Variants in UTP11 observed in about 807,000 individuals in gnomAD.
UTP11 encodes probable U3 small nucleolar RNA-associated protein 11.
UTP11 carries 29 observed loss-of-function variants against 39.0 expected under a neutral mutation model. That is an observed-to-expected ratio of 0.74 (90% CI 0.55 to 1.01). The LOEUF (loss-of-function observed/expected upper bound fraction) is 1.01. Ranked by LOEUF, UTP11 falls within the 50% of genes least tolerant of loss-of-function variation. The probability of loss-of-function intolerance (pLI) is 0.00; values close to 1 mark genes in which losing one functional copy is unlikely to be tolerated. For missense variants in UTP11, 281 were observed against 306.0 expected, an observed-to-expected ratio of 0.92 and a Z score of 0.61; for synonymous variants, 111 against 105.0, an observed-to-expected ratio of 1.06 and a Z score of -0.35.
chr1:38,013,668 A>G (rs1646690929), intron 1 of UTP11, among the ~76,000 whole-genome samples: 1 of 152,170 alleles, frequency 6.6e-6, no homozygotes, highest in African/African-American at 2.4e-5. Context: ...ATGGGATAGA[A>G]CTAAGGCCTC....
chr1:38,014,333 G>A (rs1646695478), intron 1 of UTP11, among the ~76,000 whole-genome samples: 1 of 152,178 alleles, frequency 6.6e-6, no homozygotes, highest in Non-Finnish European at 1.5e-5. Context: ...TGGGTAAACC[G>A]TTGACACAAA....
intron 6 of UTP11, 141 bp downstream of exon 6, chr1:38,019,524 C>T: frequency 1.3e-6 from 1 of 784,376 alleles, no homozygotes; most frequent in Non-Finnish European, 1.7e-6. Flanking sequence ...CTCACTGTCT[C>T]CCAGGCTGGA....
chr1:38,017,284 A>G (rs1646711903), intron 2 of UTP11: 1 of 161,374 alleles, frequency 6.2e-6, no homozygotes, highest in Admixed American at 6.2e-5. Context: ...TCATTGCGCT[A>G]TACTGTACTG....
At position 38,012,761 on chromosome 1, in the gene UTP11, G is replaced by C. The variant is rs763667487; in HGVS notation, c.-42G>C. 1.2e-6 allele frequency: 2 copies of C among 1,613,652 alleles called. No individual in the cohort carries two copies. Among genetic ancestry groups the C allele is most frequent in the Non-Finnish European group, 1.7e-6 (2 of 1,179,576 alleles). ...TGGACTTGGCGGCAGAGGCAGTGCGGATCCGGCGTTCTCCACTGATCTTTT... is the reference window on the plus strand; with the variant it reads ...TGGACTTGGCGGCAGAGGCAGTGCGCATCCGGCGTTCTCCACTGATCTTTT... On this transcript the variant is annotated 5_prime_UTR_variant, in exon 1 of 8. Transcript: ENST00000373014.
At chr1:38,022,448 C>T (rs1321423384) in intron 6 of UTP11, among the ~76,000 whole-genome samples, 2 of 152,092 alleles carry the variant, frequency 1.3e-5, no homozygotes, top group East Asian at 3.9e-4. Context: ...CTCAAGTGAC[C>T]CTCCCTCCTC....
Position 38,019,034 on chromosome 1 carries a change from AGTGAGACCATATTCT to A in UTP11, c.343-21_343-7del. The A allele has an allele frequency of 6.3e-7, 1 of 1,587,156 alleles. No homozygotes were observed. Among genetic ancestry groups the A allele is most frequent in the Non-Finnish European group, 8.6e-7 (1 of 1,164,236 alleles). On this transcript the variant is annotated splice_polypyrimidine_tract_variant and intron_variant, in intron 4 of 7. Transcript: ENST00000373014. ...GGTACCCTAGAAGAATCTAATATAA[AGTGAGACCATATTCT>A]GTGTTCTAGAAAATCGAAAGACTAA...
chr1:38,013,002 G>A, intron 1 of UTP11, 137 bp downstream of exon 1: 1 of 1,093,790 alleles, frequency 9.1e-7, no homozygotes. Flanking sequence ...AATGACGCTG[G>A]CGTGGCTGGG....
At position 38,019,399 on chromosome 1, in the gene UTP11, G is replaced by T; in HGVS notation, c.567+16G>T. ...TGGACTTAAGGTAATTTTCTCTGTTGTTCTTCACATGTGAGCTTAGGGGAA... is the reference window on the plus strand; with the variant it reads ...TGGACTTAAGGTAATTTTCTCTGTTTTTCTTCACATGTGAGCTTAGGGGAA... On this transcript the variant is annotated intron_variant, in intron 6 of 7. Transcript: ENST00000373014. 1.3e-6 allele frequency: 2 copies of T among 1,584,198 alleles called. No homozygotes were observed. The highest frequency in any genetic ancestry group is 1.7e-6 in the Non-Finnish European group (2 of 1,164,092).
In UTP11 at chr1:38,012,850, CAG is replaced by C; in HGVS notation, c.53_54del (p.Glu18AlafsTer25). On this transcript the variant is annotated frameshift_variant, in exon 1 of 8. Coordinates refer to ENST00000373014, the MANE Select transcript of UTP11 (RefSeq NM_016037.4). LOFTEE classifies it high-confidence loss of function. ...KAAKSRQREH[R>X]ERSQPGFRKH... ...CGGCTAAGTCCCGGCAGCGGGAACA[CAG>C]AGAGCGAAGCCAGGTAGGACCATAC... 3 of 1,614,252 alleles carry C rather than the reference CAG, an allele frequency of 1.9e-6. No homozygotes were observed. The highest frequency in any genetic ancestry group is 2.7e-5 in the African/African-American group (2 of 75,068).
In UTP11 at chr1:38,023,728, G is replaced by T. The variant is rs1646750769; in HGVS notation, c.*100G>T. The T allele has an allele frequency of 3.0e-6, 3 of 990,216 alleles. No individual in the cohort carries two copies. In the East Asian group the frequency reaches 8.2e-5, roughly 27 times the overall value. The allele number at this position is 990,216 out of a possible 1,614,324, so 61.3% of individuals were successfully genotyped here. ...TCCAAATGGCATGGTTTTCCGGTTT[G>T]TAACCATAACTAAATTGTCAGTCTG... On this transcript the variant is annotated 3_prime_UTR_variant, in exon 8 of 8. Transcript: ENST00000373014.
At chr1:38,022,170 C>G (rs1332904851) in intron 6 of UTP11, among the ~76,000 whole-genome samples, 1 of 152,156 alleles carries the variant, frequency 6.6e-6, no homozygotes, top group Non-Finnish European at 1.5e-5. Flanking sequence ...GCCATCATCT[C>G]AGGTGACTGT....
chr1:38,020,759 C>T (rs1327539991), intron 6 of UTP11, among the ~76,000 whole-genome samples: 4 of 152,220 alleles, frequency 2.6e-5, no homozygotes, highest in East Asian at 1.9e-4. Context: ...TGCAATAAAG[C>T]GAAAACAAAA....
Position 38,019,169 on chromosome 1 carries a change from G to A in UTP11, c.436+17G>A. 1 of 1,613,902 alleles carries A rather than the reference G, an allele frequency of 6.2e-7. No individual in the cohort carries two copies. Among genetic ancestry groups the A allele is most frequent in the Non-Finnish European group, 8.5e-7 (1 of 1,179,934 alleles). ...AAAAGGAAGGTATGAAATGTTTGAA[G>A]GTTTCTGGGACAGTCTACCATGCCA... On this transcript the variant is annotated intron_variant, in intron 5 of 7. Coordinates refer to ENST00000373014, the MANE Select transcript of UTP11 (RefSeq NM_016037.4).
intron 6 of UTP11, among the ~76,000 whole-genome samples, chr1:38,020,599 T>C (rs1014486130): frequency 6.6e-6 from 1 of 152,232 alleles, no homozygotes; most frequent in Non-Finnish European, 1.5e-5. Flanking sequence ...CTGTTTTGAT[T>C]TGAATCATTT....
Position 38,018,454 on chromosome 1 carries a change from T to C in UTP11, c.229-10T>C, listed in dbSNP as rs1037066602. The C allele has an allele frequency of 1.3e-6, 2 of 1,580,826 alleles. No individual in the cohort carries two copies. Among genetic ancestry groups the C allele is most frequent in the Non-Finnish European group, 1.7e-6 (2 of 1,154,836 alleles). On this transcript the variant is annotated splice_polypyrimidine_tract_variant and intron_variant, in intron 3 of 7. Coordinates refer to ENST00000373014, the MANE Select transcript of UTP11 (RefSeq NM_016037.4). The stretch of plus-strand genomic sequence containing the variant: ...TAATAGGGAATATATCTTTTAAATT[T>C]GGATTTTAGGATGGAGTACATATTA...
chr1:38,022,311 AT>A (rs1329014287), intron 6 of UTP11, among the ~76,000 whole-genome samples: 1 of 151,694 alleles, frequency 6.6e-6, no homozygotes, highest in East Asian at 1.9e-4. Flanking sequence ...TCTGGGCCTC[AT>A]TTTTCTGCGT....
Position 38,017,689 on chromosome 1 carries a change from A to G in UTP11, c.147A>G (p.Glu49=). The part of the protein sequence containing the change: ...LRADDYRKKQ[E]YLKALRKKAL... ...TTAGTGACTACCGTAAAAAACAAGAATACCTCAAAGCTCTTCGGAAGAAGG... is the reference window on the plus strand; with the variant it reads ...TTAGTGACTACCGTAAAAAACAAGAGTACCTCAAAGCTCTTCGGAAGAAGG... Residue 49 remains glutamate, a synonymous_variant, in exon 3 of 8, where the codon GAA becomes GAG. Transcript: ENST00000373014. 1 of 1,602,246 alleles carries G rather than the reference A, an allele frequency of 6.2e-7. No homozygotes were observed. Among genetic ancestry groups the G allele is most frequent in the South Asian group, 1.1e-5 (1 of 89,012 alleles).
chr1:38,023,803 A>G lies in UTP11; in HGVS notation c.*175A>G. ...ACATTAAATCTCCCTCCCTTCTGTAATTGTTTTTGGATTGTGAAATTAGTC... is the reference window on the plus strand; with the variant it reads ...ACATTAAATCTCCCTCCCTTCTGTAGTTGTTTTTGGATTGTGAAATTAGTC... On this transcript the variant is annotated 3_prime_UTR_variant, in exon 8 of 8. Transcript: ENST00000373014. The G allele has an allele frequency of 4.2e-6, 2 of 478,080 alleles. No homozygotes were observed. The highest frequency in any genetic ancestry group is 3.6e-6 in the Non-Finnish European group (1 of 277,602). 29.6% of individuals were successfully genotyped at this position (478,080 alleles called of 1,614,324 possible).
intron 6 of UTP11, among the ~76,000 whole-genome samples, chr1:38,020,995 C>T (rs1646733877): frequency 4.6e-5 from 7 of 151,640 alleles, no homozygotes; most frequent in Admixed American, 4.6e-4. Context: ...GATATCGGCT[C>T]ACTGCAACCT....
Sources: gnomAD v4.1 joint callset for allele counts (sites outside exome capture counted in the v4.1 genomes callset) on GRCh38, gnomAD v4.1.1 for gene constraint, MANE v1.5 for transcripts, NCBI Gene and HGNC (gene_info 2026-07-23, HGNC 2026-07-21) for gene names.